KIF6: variants seen among roughly 807,000 people sequenced by gnomAD.
KIF6 encodes kinesin-like protein KIF6.
KIF6 carries 106 observed loss-of-function variants against 112.7 expected under a neutral mutation model. The ratio of observed to expected loss-of-function variants is 0.94; its 90% CI spans 0.80 to 1.11. The LOEUF (loss-of-function observed/expected upper bound fraction) is 1.11, where lower values mean the gene tolerates loss of function less well. KIF6 is among the 50% of genes least tolerant of loss of function. The probability of loss-of-function intolerance (pLI) is 0.00; values close to 1 mark genes in which losing one functional copy is unlikely to be tolerated. For synonymous variants in KIF6, 339 were observed against 339.9 expected, an observed-to-expected ratio of 1.00 and a Z score of 0.03; for missense variants, 929 against 964.0, an observed-to-expected ratio of 0.96 and a Z score of 0.48.
chr6:39,511,312 A>C (rs539879708), intron 13 of KIF6, among the ~76,000 whole-genome samples: 1 of 152,380 alleles, frequency 6.6e-6, no homozygotes, highest in South Asian at 2.1e-4. Context: ...CAAAGAAGAC[A>C]TTTATGCAGC....
chr6:39,705,580 A>T (rs567105946), intron 3 of KIF6, among the ~76,000 whole-genome samples: 6 of 152,340 alleles, frequency 3.9e-5, no homozygotes, highest in South Asian at 4.1e-4. Context: ...GGAGCCAGGA[A>T]CACTACAGTG....
At chr6:39,482,911 G>A (rs1434785691) in intron 13 of KIF6, among the ~76,000 whole-genome samples, 1 of 152,184 alleles carries the variant, frequency 6.6e-6, no homozygotes, top group African/African-American at 2.4e-5. Context: ...CCTAGAGAAG[G>A]GGAGGGGCTT....
chr6:39,622,879 G>A (rs1783904849), intron 5 of KIF6, among the ~76,000 whole-genome samples: 1 of 152,186 alleles, frequency 6.6e-6, no homozygotes, highest in African/African-American at 2.4e-5. Flanking sequence ...AATGATGGAA[G>A]GAAGCCCTGA....
chr6:39,679,751 G>T (rs1787396772), intron 3 of KIF6, among the ~76,000 whole-genome samples: 1 of 151,354 alleles, frequency 6.6e-6, no homozygotes, highest in Admixed American at 6.6e-5. Context: ...GAGTAGCTGG[G>T]ACTACAGGTG....
At chr6:39,636,309 A>G (rs1561884908) in intron 4 of KIF6, among the ~76,000 whole-genome samples, 1 of 152,070 alleles carries the variant, frequency 6.6e-6, no homozygotes, top group Non-Finnish European at 1.5e-5. Context: ...GCCTTCCATG[A>G]CTATAATAAA....
chr6:39,650,196 C>T (rs1785399702), intron 3 of KIF6, among the ~76,000 whole-genome samples: 1 of 152,156 alleles, frequency 6.6e-6, no homozygotes, highest in Admixed American at 6.6e-5. Flanking sequence ...AAAGGATCTT[C>T]GAGGTCTTAA....
At chr6:39,375,371 G>A (rs1333092351) in intron 16 of KIF6, among the ~76,000 whole-genome samples, 1 of 152,140 alleles carries the variant, frequency 6.6e-6, no homozygotes, top group Admixed American at 6.5e-5. Flanking sequence ...AAAAAATCAT[G>A]GGTGAGGCAA....
intron 18 of KIF6, among the ~76,000 whole-genome samples, chr6:39,357,784 A>T (rs999738358): frequency 4.6e-5 from 7 of 152,124 alleles, no homozygotes; most frequent in African/African-American, 1.7e-4. Context: ...GCCAGCTATA[A>T]AAGTTAGTGT....
intron 13 of KIF6, 119 bp downstream of exon 13, chr6:39,539,884 T>C (rs1483710109): frequency 1.4e-6 from 1 of 738,752 alleles, no homozygotes; most frequent in Non-Finnish European, 2.2e-6. Context: ...AATTGATAGT[T>C]ATAAAAAATA....
intron 13 of KIF6, among the ~76,000 whole-genome samples, chr6:39,521,125 G>A (rs1243949791): frequency 2.0e-5 from 3 of 152,190 alleles, no homozygotes; most frequent in African/African-American, 7.2e-5. Flanking sequence ...CCAGGGTGAA[G>A]GCAGATGCTG....
At chr6:39,509,490 T>C (rs1776638611) in intron 13 of KIF6, among the ~76,000 whole-genome samples, 1 of 152,088 alleles carries the variant, frequency 6.6e-6, no homozygotes, top group Non-Finnish European at 1.5e-5. Context: ...TGAAAAAAGG[T>C]TAGACAAATG....
intron 13 of KIF6, among the ~76,000 whole-genome samples, chr6:39,470,208 TA>T (rs2067379381): frequency 6.6e-6 from 1 of 151,904 alleles, no homozygotes. Flanking sequence ...CAGGAGCAGG[TA>T]AAGAGGTAGA....
chr6:39,471,298 A>T (rs932097259), intron 13 of KIF6, among the ~76,000 whole-genome samples: 1 of 151,402 alleles, frequency 6.6e-6, no homozygotes, highest in African/African-American at 2.4e-5. Flanking sequence ...CTCCTCTCTG[A>T]CTCTTTGACC....
intron 1 of KIF6, among the ~76,000 whole-genome samples, chr6:39,722,283 G>A (rs1790262795): frequency 6.6e-6 from 1 of 152,144 alleles, no homozygotes; most frequent in Admixed American, 6.5e-5. Flanking sequence ...AATATTAACT[G>A]CCATTAATGA....
intron 5 of KIF6, among the ~76,000 whole-genome samples, chr6:39,621,021 G>A (rs913018318): frequency 5.9e-5 from 9 of 151,978 alleles, no homozygotes; most frequent in African/African-American, 2.2e-4. Flanking sequence ...TGCCCACCCT[G>A]GCCGCTCAAA....
chr6:39,718,208 C>T (rs528880866), intron 2 of KIF6, among the ~76,000 whole-genome samples: 54 of 114,204 alleles, frequency 4.7e-4, no homozygotes, highest in African/African-American at 1.7e-3. Flanking sequence ...CCAGCCTGGG[C>T]GACAGAGTGA....
intron 13 of KIF6, among the ~76,000 whole-genome samples, chr6:39,527,693 A>AT (rs1185334814): frequency 6.6e-6 from 1 of 152,156 alleles, no homozygotes; most frequent in African/African-American, 2.4e-5. Context: ...TTTCTCACTT[A>AT]TTTTTCTAGC....
chr6:39,456,913 T>A (rs900832387), intron 13 of KIF6, among the ~76,000 whole-genome samples: 10 of 151,680 alleles, frequency 6.6e-5, no homozygotes, highest in African/African-American at 2.4e-4. Context: ...GTCCCACACA[T>A]TAATAATGGA....
Position 39,332,104 on chromosome 6 carries a change from G to A in KIF6, c.*4428C>T, listed in dbSNP as rs1762761839. ...TGGGATTACAGGTACGCAACACCAT[G>A]CCCGGCTATTTTTTGTATTTTTAGT... On this transcript the variant is annotated 3_prime_UTR_variant, in exon 23 of 23. Transcript: ENST00000287152. 6.6e-6 allele frequency: 1 copy of A among 152,026 alleles called. No homozygotes were observed. The highest frequency in any genetic ancestry group is 2.1e-4 in the South Asian group (1 of 4,800). The allele number at this position is 152,026 out of a possible 1,614,324, so 9.4% of individuals were successfully genotyped here.
Sources: allele counts gnomAD v4.1 joint callset (sites outside exome capture counted in the v4.1 genomes callset), GRCh38; gene constraint gnomAD v4.1.1; transcripts MANE v1.5; gene names NCBI Gene and HGNC (gene_info 2026-07-23, HGNC 2026-07-21).